Variants in USP54 observed in about 807,000 individuals in gnomAD.
USP54 encodes the protein ubiquitin carboxyl-terminal hydrolase 54.
Under a neutral mutation model 170.5 loss-of-function variants are expected in USP54, and 87 were observed. The observed-to-expected ratio is 0.51, with a 90% CI of 0.43 to 0.61. The LOEUF is 0.61. Ranked by LOEUF, USP54 falls within the 20% of genes least tolerant of loss-of-function variation. The pLI is 0.00. For missense variants in USP54, 1,786 were observed against 2,047.8 expected (o/e 0.87, Z 2.47); for synonymous variants, 655 against 742.8 (o/e 0.88, Z 1.92).
chr10:73,516,620 A>G lies in USP54; in HGVS notation c.3806T>C (p.Phe1269Ser). ...CCCATGCTTAAGCTGAGAATCACAG[A>G]ACCTTGTGATATTCACCCAGGAATC... The part of the protein sequence containing the change: ...PLDSWVNITR[F>S]CDSQLKHGAP... The change falls in exon 20 of 24, where the codon TTC (phenylalanine) becomes TCC (serine). Residue 1269 changes from phenylalanine to serine, a missense_variant. Physicochemically the swap from Phe to Ser is radical, Grantham distance 155 (BLOSUM62 -2). Transcript: ENST00000687698. 1 of 1,614,222 alleles carries G rather than the reference A, an allele frequency of 6.2e-7. No individual in the cohort carries two copies. Among genetic ancestry groups the G allele is most frequent in the South Asian group, 1.1e-5 (1 of 91,088 alleles).
At chr10:73,569,929 A>AAAAAAAAAAAAAAAAAAC (rs1564867742) in intron 4 of USP54, among the ~76,000 whole-genome samples, 7 of 135,656 alleles carry the variant, frequency 5.2e-5, no homozygotes, top group Non-Finnish European at 8.3e-5. Flanking sequence ...AAAAAAAAAA[A>AAAAAAAAAAAAAAAAAAC]AAAAAAAAAA....
chr10:73,517,298 G>A lies in USP54; in HGVS notation c.3128C>T (p.Ala1043Val), dbSNP rs1564658809. The A allele has an allele frequency of 6.2e-7, 1 of 1,612,968 alleles. No homozygotes were observed. The highest frequency in any genetic ancestry group is 8.5e-7 in the Non-Finnish European group (1 of 1,179,424). Residue 1043 changes from alanine (A) to valine (V), a missense_variant, in exon 20 of 24, where the codon GCC becomes GTC. Physicochemically the swap from Ala to Val is moderately conservative, Grantham distance 64. Transcript: ENST00000687698. Reference sequence around the variant, plus strand: ...GTGTTCATCACCCCTCTCAGAGGTGGCTATTCCAGGCATCACCGGGGAGGG... The same window carrying A: ...GTGTTCATCACCCCTCTCAGAGGTGACTATTCCAGGCATCACCGGGGAGGG... ...ANPSPVMPGI[A>V]TSERGDEHSL...
chr10:73,577,908 ACTTCCAACAAGCCATGCAG>A lies in USP54; in HGVS notation c.-581-1566_-581-1548del, dbSNP rs1412771640. Among the ~76,000 whole-genome samples, 4 of 152,158 alleles carry A rather than the reference ACTTCCAACAAGCCATGCAG, an allele frequency of 2.6e-5. No individual in the cohort carries two copies. In the East Asian group the frequency reaches 7.7e-4, roughly 29 times the overall value. On this transcript the variant is annotated intron_variant, in intron 1 of 23. Transcript: ENST00000687698. ...ACACCCCACTCAAGGCCACTAAGCA[ACTTCCAACAAGCCATGCAG>A]CATTCCTTCAGCTCAACTGCTGCAA...
intron 1 of USP54, among the ~76,000 whole-genome samples, chr10:73,619,414 T>G (rs1311478907): frequency 1.3e-5 from 2 of 148,796 alleles, no homozygotes; most frequent in African/African-American, 5.2e-5. Flanking sequence ...CTTTTTTTTG[T>G]AGAGACAGGG....
At chr10:73,613,417 C>T (rs1203599371) in intron 1 of USP54, among the ~76,000 whole-genome samples, 4 of 151,194 alleles carry the variant, frequency 2.6e-5, no homozygotes, top group African/African-American at 9.7e-5. Flanking sequence ...GGGTTACAGG[C>T]GTGAGCCACC....
intron 1 of USP54, among the ~76,000 whole-genome samples, chr10:73,580,566 T>TTATG (rs974102225): frequency 6.6e-6 from 1 of 151,876 alleles, no homozygotes; most frequent in Admixed American, 6.6e-5. Context: ...ATTGCTTATT[T>TTATG]TATTTATTTA....
At chr10:73,518,453 C>T (rs1300652647) in intron 19 of USP54, among the ~76,000 whole-genome samples, 1 of 152,092 alleles carries the variant, frequency 6.6e-6, no homozygotes, top group African/African-American at 2.4e-5. Context: ...CTTAATGTTA[C>T]AAGGACTTAA....
At chr10:73,523,946 T>C (rs956621560) in intron 16 of USP54, among the ~76,000 whole-genome samples, 196 bp from the exon 17 acceptor site, 14 of 149,776 alleles carry the variant, frequency 9.3e-5, no homozygotes, top group African/African-American at 3.2e-4. Context: ...TCTCACTGTG[T>C]TCCCAGGCTG....
At chr10:73,597,147 T>C (rs1415916820) in intron 1 of USP54, among the ~76,000 whole-genome samples, 1 of 152,208 alleles carries the variant, frequency 6.6e-6, no homozygotes. Context: ...AAGCTGTCCT[T>C]GTTCATTCCT....
At chr10:73,581,409 G>C (rs2076893600) in intron 1 of USP54, among the ~76,000 whole-genome samples, 1 of 152,174 alleles carries the variant, frequency 6.6e-6, no homozygotes, top group Non-Finnish European at 1.5e-5. Flanking sequence ...ATGAAATGAT[G>C]GAAAACAGTG....
chr10:73,535,255 C>A (rs1233598107), intron 11 of USP54, among the ~76,000 whole-genome samples: 1 of 152,062 alleles, frequency 6.6e-6, no homozygotes, highest in African/African-American at 2.4e-5. Context: ...ATATGACATA[C>A]ATTAGTATAA....
At chr10:73,547,811 A>G (rs1237048670) in intron 4 of USP54, among the ~76,000 whole-genome samples, 3 of 151,748 alleles carry the variant, frequency 2.0e-5, no homozygotes, top group African/African-American at 7.3e-5. Flanking sequence ...CATTCAGGAC[A>G]TAGGCATGGG....
At chr10:73,524,582 A>AAAT (rs750080985) in intron 16 of USP54, among the ~76,000 whole-genome samples, 11 of 152,150 alleles carry the variant, frequency 7.2e-5, no homozygotes, top group Non-Finnish European at 1.5e-4. Context: ...CTTCGTCTCA[A>AAAT]AATAATAATA....
In USP54 at chr10:73,523,330, G is replaced by T. The variant is rs534457598; in HGVS notation, c.2362+253C>A. 7.9e-5 allele frequency among the ~76,000 whole-genome samples: 12 copies of T among 152,246 alleles called. No individual in the cohort carries two copies. The South Asian group carries it at 2.5e-3, about 32-fold the overall frequency. ...ATTTACACCTTCAACAGATGTTCATGGGAAACATTATTCATGAACGATATA... is the reference window on the plus strand; with the variant it reads ...ATTTACACCTTCAACAGATGTTCATTGGAAACATTATTCATGAACGATATA... On this transcript the variant is annotated intron_variant, in intron 17 of 23. Transcript: ENST00000687698.
intron 20 of USP54, chr10:73,507,333 G>A (rs535291944): frequency 2.0e-4 from 31 of 151,894 alleles, no homozygotes; most frequent in African/African-American, 7.0e-4. Flanking sequence ...GTGTTTTTTG[G>A]GGTTTTCTGA....
intron 4 of USP54, among the ~76,000 whole-genome samples, chr10:73,557,578 C>T (rs897313817): frequency 2.5e-4 from 38 of 151,788 alleles, no homozygotes; most frequent in Admixed American, 1.8e-3. Flanking sequence ...TTCCACCTCC[C>T]GGGTTCAAGC....
Position 73,517,664 on chromosome 10 carries a change from G to C in USP54, c.2762C>G (p.Ser921Cys), listed in dbSNP as rs1018074632. ...SGMDTEFGAS[S>C]FFHSPASCHE... ...GCAGGAAGCAGGTGAATGGAAGAAA[G>C]AACTGGCCCCAAACTCTGTATCCAT... Residue 921 changes from serine (S) to cysteine (C), a missense_variant, in exon 20 of 24, where the codon TCT becomes TGT. By Grantham distance (112) the Ser-to-Cys change is moderately radical. Around this residue, in one of 3 missense-constraint regions of USP54, gnomAD observed 1,418 missense variants for 1,569.0 expected, o/e 0.90. Coordinates refer to ENST00000687698, the MANE Select transcript of USP54 (RefSeq NM_001391956.1). 2 of 1,614,230 alleles carry C rather than the reference G, an allele frequency of 1.2e-6. No homozygotes were observed. The highest frequency in any genetic ancestry group is 1.7e-5 in the Admixed American group (1 of 60,020).
intron 9 of USP54, among the ~76,000 whole-genome samples, chr10:73,540,720 G>C (rs2066443527): frequency 6.6e-6 from 1 of 152,116 alleles, no homozygotes; most frequent in Non-Finnish European, 1.5e-5. Flanking sequence ...TCAGCCTCCT[G>C]AGTAGCTGGG....
At chr10:73,533,174 C>T (rs188023876) in intron 12 of USP54, among the ~76,000 whole-genome samples, 6 of 151,998 alleles carry the variant, frequency 3.9e-5, no homozygotes, top group East Asian at 3.9e-4. Flanking sequence ...GGCGTGGTGG[C>T]GGGCGCCTGT....
Sources: allele counts gnomAD v4.1 joint callset (sites outside exome capture counted in the v4.1 genomes callset), GRCh38; gene constraint gnomAD v4.1.1; regional missense constraint gnomAD v4.1.1; transcripts MANE v1.5; gene names NCBI Gene and HGNC (gene_info 2026-07-23, HGNC 2026-07-21).